Variants in TBC1D5 observed in about 807,000 individuals in gnomAD.
TBC1D5 encodes the protein TBC1 domain family, member 5.
In TBC1D5, 75 loss-of-function variants were observed where a neutral mutation model predicts 100.3. The observed-to-expected ratio is 0.75, with a 90% CI of 0.62 to 0.91. The LOEUF (loss-of-function observed/expected upper bound fraction) is 0.91, where lower values mean the gene tolerates loss of function less well. TBC1D5 is among the 40% of genes least tolerant of loss of function. TBC1D5 has a pLI of 0.00. For synonymous variants in TBC1D5, 323 were observed against 325.6 expected (o/e 0.99, Z 0.09); for missense variants, 910 against 942.4 (o/e 0.97, Z 0.45).
intron 4 of TBC1D5, among the ~76,000 whole-genome samples, chr3:17,408,784 T>G (rs2093843823): frequency 6.6e-6 from 1 of 152,156 alleles, no homozygotes; most frequent in African/African-American, 2.4e-5. Context: ...TTTTTAAATT[T>G]GTGTATAATT....
intron 2 of TBC1D5, among the ~76,000 whole-genome samples, chr3:17,544,519 C>T (rs2096393340): frequency 6.6e-6 from 1 of 151,930 alleles, no homozygotes; most frequent in Admixed American, 6.6e-5. Flanking sequence ...GGTGTGGTAG[C>T]ACATGCCTGT....
At chr3:17,515,351 G>T (rs1373447434) in intron 2 of TBC1D5, among the ~76,000 whole-genome samples, 1 of 152,088 alleles carries the variant, frequency 6.6e-6, no homozygotes, top group East Asian at 1.9e-4. Flanking sequence ...GGAAACCTAA[G>T]GACGTTTTAG....
intron 1 of TBC1D5, among the ~76,000 whole-genome samples, chr3:17,716,445 A>AG (rs1184905634): frequency 3.7e-5 from 4 of 109,070 alleles, no homozygotes; most frequent in East Asian, 1.6e-3. Context: ...AGCTGTTCAG[A>AG]GGGAAAAAAA....
chr3:17,356,994 TA>T (rs35947645), intron 13 of TBC1D5, among the ~76,000 whole-genome samples: 3,888 of 149,078 alleles, frequency 0.026, 46 homozygotes, highest in Middle Eastern at 0.052. Context: ...TGTTTTGTGA[TA>T]AAAAAAAAAA....
intron 2 of TBC1D5, among the ~76,000 whole-genome samples, chr3:17,532,773 G>A (rs1471500103): frequency 1.3e-5 from 2 of 149,508 alleles, no homozygotes; most frequent in Non-Finnish European, 3.0e-5. Flanking sequence ...ACTTGTAGGT[G>A]GGAATTGAAC....
At chr3:17,718,856 A>G (rs559678200) in intron 1 of TBC1D5, among the ~76,000 whole-genome samples, 2 of 152,192 alleles carry the variant, frequency 1.3e-5, no homozygotes, top group Admixed American at 6.5e-5. Flanking sequence ...AAAACCCTAT[A>G]GACAGATGAC....
intron 17 of TBC1D5, 70 bp from the exon 18 acceptor site, chr3:17,233,820 C>A: frequency 2.2e-6 from 2 of 919,460 alleles, no homozygotes; most frequent in East Asian, 2.6e-5. Flanking sequence ...TTCTTTTATA[C>A]TGAATGTTCT....
In TBC1D5 at chr3:17,476,744, ATATT is replaced by A. The variant is rs756692435; in HGVS notation, c.97+31726_97+31729del. 1.1e-4 allele frequency among the ~76,000 whole-genome samples: 16 copies of A among 152,022 alleles called. 1 individual carries two copies. The highest frequency in any genetic ancestry group is 2.0e-4 in the Admixed American group (3 of 15,286). On this transcript the variant is annotated intron_variant, in intron 3 of 21. Coordinates refer to ENST00000253692, the Ensembl canonical transcript of TBC1D5. ...CATCCATGATCATGGTGTGTCCTCTATATTTATTCAGGTCTTCTTAAATGTCTTC... is the reference window on the plus strand; with the variant it reads ...CATCCATGATCATGGTGTGTCCTCTATATTCAGGTCTTCTTAAATGTCTTC...
chr3:17,699,815 A>G (rs1003871458), intron 1 of TBC1D5, among the ~76,000 whole-genome samples: 1 of 139,812 alleles, frequency 7.2e-6, no homozygotes, highest in African/African-American at 2.5e-5. Context: ...TGTCAAGGGA[A>G]AAAAAAAAAA....
At chr3:17,610,586 G>C (rs1470202574) in intron 2 of TBC1D5, among the ~76,000 whole-genome samples, 2 of 152,160 alleles carry the variant, frequency 1.3e-5, no homozygotes, top group African/African-American at 4.8e-5. Context: ...CTTGCAATCA[G>C]TATCTTTAAC....
rs144655666 is a variant in TBC1D5, at chr3:17,201,314, A to G, written c.1752+12893T>C. 6.6e-3 allele frequency among the ~76,000 whole-genome samples: 1,002 copies of G among 152,264 alleles called. 10 individuals carry two copies. Among genetic ancestry groups the G allele is most frequent in the Non-Finnish European group, 0.012 (801 of 68,002 alleles). ...GACCAGGGTGTGCTGCTTAGTGAAC[A>G]CAGCGTGAGCTCGGTTTTAAGACCC... On this transcript the variant is annotated intron_variant, in intron 18 of 21. Transcript: ENST00000253692.
At chr3:17,445,441 A>C (rs1401875088) in intron 3 of TBC1D5, among the ~76,000 whole-genome samples, 1 of 152,100 alleles carries the variant, frequency 6.6e-6, no homozygotes, top group Non-Finnish European at 1.5e-5. Flanking sequence ...AAGATATATA[A>C]TATATAAGCC....
At chr3:17,202,075 G>C (rs546858146) in intron 18 of TBC1D5, among the ~76,000 whole-genome samples, 2 of 152,320 alleles carry the variant, frequency 1.3e-5, no homozygotes, top group African/African-American at 4.8e-5. Flanking sequence ...TTGTTAAACT[G>C]TTGTGACCAA....
chr3:17,495,633 G>C (rs543586444), intron 3 of TBC1D5, among the ~76,000 whole-genome samples: 1 of 152,222 alleles, frequency 6.6e-6, no homozygotes, highest in South Asian at 2.1e-4. Context: ...GAGTAGGCCA[G>C]ATAGAAGAAG....
At chr3:17,614,207 G>A (rs746648220) in intron 2 of TBC1D5, among the ~76,000 whole-genome samples, 11 of 152,100 alleles carry the variant, frequency 7.2e-5, no homozygotes, top group Non-Finnish European at 1.2e-4. Flanking sequence ...GATGTGTGGT[G>A]TTATTTCTGA....
intron 15 of TBC1D5, among the ~76,000 whole-genome samples, chr3:17,276,171 C>T (rs751542405): frequency 7.9e-5 from 12 of 152,148 alleles, no homozygotes; most frequent in Non-Finnish European, 1.6e-4. Context: ...GCTCATTCCT[C>T]GGTTCATAGA....
chr3:17,348,234 C>G (rs1243135317), intron 13 of TBC1D5, among the ~76,000 whole-genome samples: 1 of 152,184 alleles, frequency 6.6e-6, no homozygotes, highest in Non-Finnish European at 1.5e-5. Flanking sequence ...TATCACAGCC[C>G]CATGGAATTC....
At chr3:17,375,429 AGGT>A (rs1470383817) in intron 10 of TBC1D5, among the ~76,000 whole-genome samples, 1 of 151,860 alleles carries the variant, frequency 6.6e-6, no homozygotes, top group East Asian at 1.9e-4. Context: ...TAGCTGGGCG[AGGT>A]GGTGCCCGCC....
At chr3:17,725,916 T>A (rs1463650103) in intron 1 of TBC1D5, among the ~76,000 whole-genome samples, 1 of 152,204 alleles carries the variant, frequency 6.6e-6, no homozygotes, top group Non-Finnish European at 1.5e-5. Flanking sequence ...CTTCTTTGTG[T>A]CCATGTGTAC....
Sources: allele counts gnomAD v4.1 joint callset (sites outside exome capture counted in the v4.1 genomes callset), GRCh38; gene constraint gnomAD v4.1.1; transcripts MANE v1.5; gene names NCBI Gene and HGNC (gene_info 2026-07-23, HGNC 2026-07-21).